BTRC: variants seen among roughly 807,000 people sequenced by gnomAD.
BTRC encodes F-box/WD repeat-containing protein 1A.
BTRC carries 42 observed loss-of-function variants against 85.5 expected under a neutral mutation model. The ratio of observed to expected loss-of-function variants is 0.49; its 90% CI spans 0.38 to 0.64. The LOEUF (loss-of-function observed/expected upper bound fraction) is 0.64. Among genes scored for constraint, BTRC ranks in the 30% least tolerant of loss-of-function variants. The probability of loss-of-function intolerance (pLI) is 0.00; values close to 1 mark genes in which losing one functional copy is unlikely to be tolerated. For missense variants in BTRC, 594 were observed against 743.5 expected (o/e 0.80, Z 2.34); for synonymous variants, 255 against 263.3 (o/e 0.97, Z 0.30).
chr10:101,541,199 G>T (rs2062460454), intron 13 of BTRC, among the ~76,000 whole-genome samples: 1 of 151,102 alleles, frequency 6.6e-6, no homozygotes, highest in Non-Finnish European at 1.5e-5. Flanking sequence ...TAGGCGAAAG[G>T]CATTCAGTCT....
intron 1 of BTRC, among the ~76,000 whole-genome samples, chr10:101,400,241 G>T (rs987174679): frequency 1.3e-5 from 2 of 152,204 alleles, no homozygotes; most frequent in Non-Finnish European, 2.9e-5. Flanking sequence ...TCTTTGTGCT[G>T]ATCTGTGATG....
intron 3 of BTRC, among the ~76,000 whole-genome samples, chr10:101,465,050 T>A (rs1302434425): frequency 2.6e-5 from 4 of 152,188 alleles, no homozygotes; most frequent in Non-Finnish European, 5.9e-5. Context: ...AAACTCCCTC[T>A]TTTCTCTATT....
At chr10:101,372,048 A>G (rs1159024615) in intron 1 of BTRC, among the ~76,000 whole-genome samples, 3 of 151,916 alleles carry the variant, frequency 2.0e-5, no homozygotes, top group Non-Finnish European at 4.4e-5. Flanking sequence ...CATTTTTGTC[A>G]TATTAATGTC....
intron 4 of BTRC, among the ~76,000 whole-genome samples, chr10:101,484,720 A>G (rs977569392): frequency 1.3e-5 from 2 of 152,344 alleles, no homozygotes; most frequent in Middle Eastern, 6.8e-3. Context: ...TAACCACGTC[A>G]TTGAGGCTGA....
At chr10:101,527,403 C>G (rs1041532738) in intron 6 of BTRC, among the ~76,000 whole-genome samples, 1 of 152,004 alleles carries the variant, frequency 6.6e-6, no homozygotes, top group Non-Finnish European at 1.5e-5. Context: ...TTAAATTTTT[C>G]TCTCAAATTG....
chr10:101,446,789 T>A (rs1312953694), intron 2 of BTRC, among the ~76,000 whole-genome samples: 2 of 152,028 alleles, frequency 1.3e-5, no homozygotes, highest in African/African-American at 2.4e-5. Flanking sequence ...AGCAAAACTT[T>A]AAAAAAAATT....
Position 101,536,651 on chromosome 10 carries a change from T to C in BTRC, c.1575T>C (p.Asp525=). ...DNKRIVSGAY[D]GKIKVWDLVA... The stretch of plus-strand genomic sequence containing the variant: ...AGAGGATAGTCAGTGGGGCCTATGA[T>C]GGGTGAGTGTGCTAACAGAGTGTAA... The change falls in exon 12 of 15, where the codon GAT becomes GAC. Residue 525 remains aspartate, a splice_region_variant and synonymous_variant. Coordinates refer to ENST00000370187, the MANE Select transcript of BTRC (RefSeq NM_033637.4). 1 of 1,603,800 alleles carries C rather than the reference T, an allele frequency of 6.2e-7. No individual in the cohort carries two copies. Among genetic ancestry groups the C allele is most frequent in the Non-Finnish European group, 8.5e-7 (1 of 1,170,734 alleles).
intron 1 of BTRC, among the ~76,000 whole-genome samples, chr10:101,385,429 G>A (rs78463844): frequency 0.014 from 2,125 of 150,146 alleles, 46 homozygotes; most frequent in African/African-American, 0.05. Flanking sequence ...CTTGGATGAA[G>A]GATAGATGAG....
At chr10:101,435,549 A>G (rs562793202) in intron 2 of BTRC, among the ~76,000 whole-genome samples, 32 of 152,340 alleles carry the variant, frequency 2.1e-4, no homozygotes, top group African/African-American at 7.7e-4. Flanking sequence ...ATTGTTAAAT[A>G]TATTTCATTA....
intron 1 of BTRC, among the ~76,000 whole-genome samples, chr10:101,389,801 T>A (rs1223700448): frequency 2.0e-5 from 3 of 151,880 alleles, no homozygotes; most frequent in African/African-American, 7.3e-5. Context: ...ATTTTTAAAT[T>A]TTTTGTACAG....
At chr10:101,407,145 G>T (rs1471445430) in intron 1 of BTRC, among the ~76,000 whole-genome samples, 1 of 152,126 alleles carries the variant, frequency 6.6e-6, no homozygotes, top group Admixed American at 6.5e-5. Context: ...ATCAGTTGAG[G>T]CCAGGAGTAT....
chr10:101,404,842 C>CA (rs964353560), intron 1 of BTRC, among the ~76,000 whole-genome samples: 1 of 151,796 alleles, frequency 6.6e-6, no homozygotes, highest in African/African-American at 2.4e-5. Flanking sequence ...ACTAAAAATA[C>CA]AAAAAATTAG....
upstream of BTRC, chr10:101,354,107 G>A: frequency 6.6e-7 from 1 of 1,513,946 alleles, no homozygotes; most frequent in Non-Finnish European, 9.0e-7. Flanking sequence ...GCGGGATCCG[G>A]GCGCTGCGTT....
intron 1 of BTRC, among the ~76,000 whole-genome samples, chr10:101,415,797 T>TC (rs1943930056): frequency 6.6e-6 from 1 of 152,098 alleles, no homozygotes; most frequent in Admixed American, 6.6e-5. Context: ...CGCCTCAGCC[T>TC]CCCAAAGTGC....
chr10:101,389,610 CTTTTTTTT>C (rs34480405), intron 1 of BTRC, among the ~76,000 whole-genome samples: 8 of 62,546 alleles, frequency 1.3e-4, no homozygotes, highest in Middle Eastern at 0.031. Flanking sequence ...TGCCAAACAC[CTTTTTTTT>C]TTTTTTTTTT....
intron 8 of BTRC, among the ~76,000 whole-genome samples, 173 bp from the exon 9 acceptor site, chr10:101,532,779 T>TGCGC (rs1397859990): frequency 1.2e-5 from 1 of 81,498 alleles, no homozygotes; most frequent in Non-Finnish European, 2.1e-5. Context: ...TGTGTGTGTG[T>TGCGC]GTGTGTGTGT....
chr10:101,505,435 C>T (rs1378421548), intron 4 of BTRC, among the ~76,000 whole-genome samples: 19 of 150,404 alleles, frequency 1.3e-4, no homozygotes, highest in Middle Eastern at 3.4e-3. Context: ...CTGGTTAACA[C>T]GGTGAAACCC....
chr10:101,376,228 G>A (rs1351556112), intron 1 of BTRC, among the ~76,000 whole-genome samples: 1 of 152,172 alleles, frequency 6.6e-6, no homozygotes, highest in Non-Finnish European at 1.5e-5. Flanking sequence ...GGGTGGCTGA[G>A]GCCAGAGAAT....
intron 4 of BTRC, among the ~76,000 whole-genome samples, chr10:101,509,216 A>G (rs570043146): frequency 6.8e-6 from 1 of 146,234 alleles, no homozygotes; most frequent in South Asian, 2.2e-4. Flanking sequence ...ATTTCCTCTC[A>G]ATTCAAGCAT....
Sources: gnomAD v4.1 joint callset for allele counts (sites outside exome capture counted in the v4.1 genomes callset) on GRCh38, gnomAD v4.1.1 for gene constraint, MANE v1.5 for transcripts, NCBI Gene and HGNC (gene_info 2026-07-23, HGNC 2026-07-21) for gene names.